The following FLNA variants were observed in gnomAD, a reference collection of about 807,000 sequenced individuals.
FLNA encodes filamin A.
Under a neutral mutation model 157.6 loss-of-function variants are expected in FLNA, and 7 were observed. That is an observed-to-expected ratio of 0.04 (90% CI 0.03 to 0.08). The LOEUF (loss-of-function observed/expected upper bound fraction) is 0.08. Ranked by LOEUF, FLNA falls within the 10% of genes least tolerant of loss-of-function variation. FLNA has a pLI of 1.00. For missense variants in FLNA, 1,750 were observed against 2,398.4 expected (o/e 0.73, Z 5.65); for synonymous variants, 1,103 against 1,060.8 (o/e 1.04, Z -0.77).
chrX:154,353,657 T>C lies in FLNA; in HGVS notation c.5757A>G (p.Thr1919=). Residue 1919 remains threonine, a synonymous_variant, in exon 36 of 48, where the codon ACA becomes ACG. Coordinates refer to ENST00000369850, the MANE Select transcript of FLNA (RefSeq NM_001110556.2). ...GCACAGGCAGGTAGGACACGCTGCA[T>C]GTCCCATCCTGGTTGTCAGTGCAGC... The part of the protein sequence containing the change: ...EISCTDNQDG[T]CSVSYLPVLP... The C allele has an allele frequency of 8.3e-7, 1 of 1,211,337 alleles. No homozygotes were observed. The highest frequency in any genetic ancestry group is 1.1e-6 in the Non-Finnish European group (1 of 895,048).
intron 15 of FLNA, among the ~76,000 whole-genome samples, chrX:154,363,050 A>G (rs1428437556): frequency 8.9e-6 from 1 of 112,691 alleles, no homozygotes; most frequent in Non-Finnish European, 1.9e-5. Flanking sequence ...GCTCATCCTC[A>G]ATATCTGTTA....
chrX:154,365,461 C>A lies in FLNA; in HGVS notation c.1455G>T (p.Ala485=). The change falls in exon 10 of 48, where the codon GCG becomes GCT. Residue 485 remains alanine (A), a synonymous_variant. Transcript: ENST00000369850. Reference sequence around the variant, plus strand: ...CCTTGGGCTGGAGGCCCCGGCCAACCGCCCGGCAGGCACTCGGGTTACAGG... The same window carrying A: ...CCTTGGGCTGGAGGCCCCGGCCAACAGCCCGGCAGGCACTCGGGTTACAGG... ...GQACNPSACR[A]VGRGLQPKGV... 8.3e-7 allele frequency: 1 copy of A among 1,211,479 alleles called. No homozygotes were observed. Among genetic ancestry groups the A allele is most frequent in the Non-Finnish European group, 1.1e-6 (1 of 895,472 alleles).
At chrX:154,355,308 G>A (rs959279172) in intron 30 of FLNA, among the ~76,000 whole-genome samples, 2 of 113,683 alleles carry the variant, frequency 1.8e-5, no homozygotes, top group Non-Finnish European at 3.7e-5. Context: ...CCCGACAGTA[G>A]CACCCAGGTG....
Position 154,366,051 on chromosome X carries a change from T to G in FLNA, c.1402A>C (p.Ser468Arg). The G allele has an allele frequency of 8.3e-7, 1 of 1,208,240 alleles. No individual in the cohort carries two copies. Among genetic ancestry groups the G allele is most frequent in the Admixed American group, 2.2e-5 (1 of 46,070 alleles). Reference protein sequence around the residue: ...VTFAGVPIPRSPYTVTVGQAC... With the variant: ...VTFAGVPIPRRPYTVTVGQAC... The stretch of plus-strand genomic sequence containing the variant: ...TGGCCAACAGTGACAGTGTAGGGGC[T>G]GCGAGGGATGGGCACGCCGGCAAAC... Residue 468 changes from serine (S) to arginine (R), a missense_variant, in exon 9 of 48, where the codon AGC (serine) becomes CGC (arginine). Transcript: ENST00000369850.
chrX:154,357,592 A>G lies in FLNA; in HGVS notation c.4787T>C (p.Ile1596Thr). The change falls in exon 29 of 48, where the codon ATC (isoleucine) becomes ACC (threonine). Residue 1596 changes from isoleucine to threonine, a missense_variant. Coordinates refer to ENST00000369850, the MANE Select transcript of FLNA (RefSeq NM_001110556.2). ...ATACGTGCCGTCATGGTTGTCTTGGATGTGTGTCTTCTTCGGCTTGCCTTC... is the reference window on the plus strand; with the variant it reads ...ATACGTGCCGTCATGGTTGTCTTGGGTGTGTGTCTTCTTCGGCTTGCCTTC... ...DPEGKPKKTHIQDNHDGTYTV... is the reference protein window; with the variant it reads ...DPEGKPKKTHTQDNHDGTYTV... The G allele has an allele frequency of 8.3e-7, 1 of 1,211,771 alleles. No individual in the cohort carries two copies. The highest frequency in any genetic ancestry group is 1.1e-6 in the Non-Finnish European group (1 of 895,433).
intron 44 of FLNA, 111 bp from the exon 45 acceptor site, chrX:154,350,318 G>C: frequency 4.1e-6 from 3 of 734,386 alleles, no homozygotes; most frequent in Non-Finnish European, 6.3e-6. Flanking sequence ...CGGTCCATCA[G>C]TGTGAGCCCA....
In FLNA at chrX:154,352,873, T is replaced by G. The variant is rs1414664730; in HGVS notation, c.6278A>C (p.Asn2093Thr). 1 of 1,210,428 alleles carries G rather than the reference T, an allele frequency of 8.3e-7. No homozygotes were observed. Among genetic ancestry groups the G allele is most frequent in the African/African-American group, 1.7e-5 (1 of 57,363 alleles). Residue 2093 changes from asparagine (N) to threonine (T), a missense_variant, in exon 39 of 48, where the codon AAC becomes ACC. By Grantham distance (65) the Asn-to-Thr change is moderately conservative. This residue lies in a region of FLNA where 970 missense variants were observed against 1,302.6 expected (regional missense o/e 0.74). Transcript: ENST00000369850. Reference protein sequence around the residue: ...SIEGPSKVDINTEDLEDGTCR... With the variant: ...SIEGPSKVDITTEDLEDGTCR... ...CGTCCCGTCCTCCAGGTCCTCTGTG[T>G]TGATGTCCACCTTGCTGGGGCCCTC...
chrX:154,354,726 A>G lies in FLNA; in HGVS notation c.5218-15T>C. On this transcript the variant is annotated splice_polypyrimidine_tract_variant and intron_variant, in intron 31 of 47. Transcript: ENST00000369850. ...CCAGCCAGAGCCTGCAGGGCAAAGC[A>G]GAGAGCTGCTGGAGAGTCTGTTGTC... 1 of 1,208,528 alleles carries G rather than the reference A, an allele frequency of 8.3e-7. No homozygotes were observed. Among genetic ancestry groups the G allele is most frequent in the Non-Finnish European group, 1.1e-6 (1 of 893,742 alleles).
chrX:154,354,755 G>A, intron 31 of FLNA, 44 bp from the exon 32 acceptor site: 1 of 1,209,389 alleles, frequency 8.3e-7, no homozygotes, highest in Non-Finnish European at 1.1e-6. Context: ...TGTTGTCACA[G>A]AGGGGCCCCA....
At chrX:154,363,417 CA>C (rs1267624154) in intron 15 of FLNA, among the ~76,000 whole-genome samples, 30 of 66,991 alleles carry the variant, frequency 4.5e-4, no homozygotes, top group South Asian at 1.4e-3. Context: ...AACTCCGGCT[CA>C]AAAAAAAAAA....
chrX:154,361,194 G>C (rs1288497563), intron 21 of FLNA, 114 bp downstream of exon 21: 3 of 685,773 alleles, frequency 4.4e-6, no homozygotes, highest in Non-Finnish European at 6.3e-6. Context: ...GTCTGTCTCA[G>C]GAAAAAAAAA....
intron 26 of FLNA, 22 bp downstream of exon 26, chrX:154,358,962 C>G (rs1210378122): frequency 8.3e-7 from 1 of 1,207,404 alleles, no homozygotes; most frequent in African/African-American, 1.7e-5. Flanking sequence ...TGACCCCTGG[C>G]TCCAGGCATG....
intron 15 of FLNA, 114 bp from the exon 16 acceptor site, chrX:154,362,898 G>A: frequency 1.2e-6 from 1 of 862,972 alleles, no homozygotes; most frequent in Non-Finnish European, 1.6e-6. Context: ...GGAAGAGTCT[G>A]GCAGTTCCTC....
chrX:154,349,323 T>C (rs1331455723), intron 47 of FLNA, 39 bp downstream of exon 47: 1 of 1,171,174 alleles, frequency 8.5e-7, no homozygotes, highest in African/African-American at 1.8e-5. Flanking sequence ...TCTGGCCTCA[T>C]TTTGGTGGGA....
At position 154,362,328 on chromosome X, in the gene FLNA, G is replaced by T; in HGVS notation, c.2570C>A (p.Thr857Lys). Residue 857 changes from threonine to lysine, a missense_variant, in exon 18 of 48, where the codon ACG (threonine) becomes AAG (lysine). Physicochemically the swap from Thr to Lys is moderately conservative, Grantham distance 78. Transcript: ENST00000369850. Reference protein sequence around the residue: ...TIMVLFADQATPTSPIRVKVE... With the variant: ...TIMVLFADQAKPTSPIRVKVE... ...CTTGACTCGGATGGGGCTGGTGGGC[G>T]TGGCCTGCAGGCAGTGGGAGGAGAA... 1 of 1,210,588 alleles carries T rather than the reference G, an allele frequency of 8.3e-7. No individual in the cohort carries two copies. The highest frequency in any genetic ancestry group is 1.1e-6 in the Non-Finnish European group (1 of 894,739).
chrX:154,366,433 C>T lies in FLNA; in HGVS notation c.1103G>A (p.Ser368Asn). The change falls in exon 8 of 48, where the codon AGC becomes AAC. Residue 368 changes from serine (S) to asparagine (N), a missense_variant. Around this residue, in one of 5 missense-constraint regions of FLNA, gnomAD observed 648 missense variants for 805.8 expected, o/e 0.80. Transcript: ENST00000369850. ...CTTATCCACGTACACCTCGAAGGGGCTCTTGGCGATGTGCTGGCCAGCAAA... is the reference window on the plus strand; with the variant it reads ...CTTATCCACGTACACCTCGAAGGGGTTCTTGGCGATGTGCTGGCCAGCAAA... ...VLFAGQHIAK[S>N]PFEVYVDKSQ... 1 of 1,211,808 alleles carries T rather than the reference C, an allele frequency of 8.3e-7. No individual in the cohort carries two copies. Among genetic ancestry groups the T allele is most frequent in the Non-Finnish European group, 1.1e-6 (1 of 895,338 alleles).
In FLNA at chrX:154,360,042, A is replaced by G; in HGVS notation, c.3753T>C (p.Pro1251=). The G allele has an allele frequency of 8.3e-7, 1 of 1,211,312 alleles. No individual in the cohort carries two copies. The highest frequency in any genetic ancestry group is 2.3e-4 in the Middle Eastern group (1 of 4,355). Residue 1251 remains proline, a synonymous_variant, in exon 22 of 48, where the codon CCT becomes CCC. Coordinates refer to ENST00000369850, the MANE Select transcript of FLNA (RefSeq NM_001110556.2). The part of the protein sequence containing the change: ...PNFPSKLQVE[P]AVDTSGVQCY... ...ACTGGACACCGGAAGTGTCCACCGC[A>G]GGTTCCACCTGCAGCTTGCTGGGGA...
chrX:154,352,779 G>A lies in FLNA; in HGVS notation c.6372C>T (p.His2124=), dbSNP rs781999359. The A allele has an allele frequency of 5.8e-6, 7 of 1,212,067 alleles. No homozygotes were observed. The highest frequency in any genetic ancestry group is 3.4e-5 in the African/African-American group (2 of 57,996). The part of the protein sequence containing the change: ...YIINIKFADQ[H]VPGSPFSVKV... ...AGGCACTGCTGCACTCACCAGGCAC[G>A]TGCTGGTCGGCAAACTTGATGTTGA... The change falls in exon 39 of 48, where the codon CAC becomes CAT. Residue 2124 remains histidine (H), a synonymous_variant. Coordinates refer to ENST00000369850, the MANE Select transcript of FLNA (RefSeq NM_001110556.2).
At position 154,361,308 on chromosome X, in the gene FLNA, C is replaced by T; in HGVS notation, c.3207G>A (p.Lys1069=). 1 of 1,209,812 alleles carries T rather than the reference C, an allele frequency of 8.3e-7. No homozygotes were observed. Reference sequence around the variant, plus strand: ...TTAGGGCCTCCCATACCCCAATTACCTTGCTAGGCTTGGTGGGGGCCACAG... The same window carrying T: ...TTAGGGCCTCCCATACCCCAATTACTTTGCTAGGCTTGGTGGGGGCCACAG... ...LEAVAPTKPS[K]VKAFGPGLQG... The change falls in exon 21 of 48, where the codon AAG becomes AAA. Residue 1069 remains lysine, a splice_region_variant and synonymous_variant. Coordinates refer to ENST00000369850, the MANE Select transcript of FLNA (RefSeq NM_001110556.2).
Sources: allele counts gnomAD v4.1 joint callset (sites outside exome capture counted in the v4.1 genomes callset), GRCh38; gene constraint gnomAD v4.1.1; regional missense constraint gnomAD v4.1.1; transcripts MANE v1.5; gene names NCBI Gene and HGNC (gene_info 2026-07-23, HGNC 2026-07-21).